SLC2A9: variants seen among roughly 807,000 people sequenced by gnomAD.
SLC2A9 encodes solute carrier family 2, facilitated glucose transporter member 9.
In SLC2A9, 39 loss-of-function variants were observed where a neutral mutation model predicts 50.6. The observed-to-expected ratio is 0.77, with a 90% confidence interval of 0.60 to 1.01. SLC2A9 has a LOEUF of 1.01. SLC2A9 is among the 50% of genes least tolerant of loss of function. The pLI, the probability that SLC2A9 is intolerant of heterozygous loss-of-function variation, is 0.00. For missense variants in SLC2A9, 686 were observed against 677.6 expected (o/e 1.01, Z -0.14); for synonymous variants, 324 against 276.9 (o/e 1.17, Z -1.69).
chr4:9,826,306 T>C lies in SLC2A9; in HGVS notation c.*91A>G. ...TCAATTCATTTAAGCTTCCCAATAATGGGTAAATTTTAAGTTTCCTGAAAA... is the reference window on the plus strand; with the variant it reads ...TCAATTCATTTAAGCTTCCCAATAACGGGTAAATTTTAAGTTTCCTGAAAA... On this transcript the variant is annotated 3_prime_UTR_variant, in exon 12 of 12. Coordinates refer to ENST00000264784, the MANE Select transcript of SLC2A9 (RefSeq NM_020041.3). 3.1e-6 allele frequency: 4 copies of C among 1,301,336 alleles called. No homozygotes were observed. Among genetic ancestry groups the C allele is most frequent in the Non-Finnish European group, 3.3e-6 (3 of 896,536 alleles). The allele number at this position is 1,301,336 out of a possible 1,614,324, so 80.6% of individuals were successfully genotyped here.
chr4:9,772,546 C>A (rs898883628), intron 1 of SLC2A9, among the ~76,000 whole-genome samples: 4 of 152,146 alleles, frequency 2.6e-5, no homozygotes, highest in Admixed American at 1.3e-4. Context: ...ATGAGAAGAG[C>A]AAGCTCCAGG....
At chr4:9,944,588 A>G (rs1472479735) in intron 5 of SLC2A9, among the ~76,000 whole-genome samples, 10 of 152,168 alleles carry the variant, frequency 6.6e-5, no homozygotes, top group Admixed American at 2.0e-4. Flanking sequence ...GGATGCCAAC[A>G]TTTCTGAACT....
intron 3 of SLC2A9, among the ~76,000 whole-genome samples, chr4:9,813,016 C>A (rs914473984): frequency 1.3e-5 from 2 of 152,156 alleles, no homozygotes; most frequent in Admixed American, 6.5e-5. Flanking sequence ...GACCTCTGTT[C>A]TTTGGGTTTC....
chr4:9,979,429 G>A (rs1441028857), intron 5 of SLC2A9, among the ~76,000 whole-genome samples: 1 of 152,074 alleles, frequency 6.6e-6, no homozygotes, highest in Non-Finnish European at 1.5e-5. Flanking sequence ...GTGGGCATTC[G>A]ACCATCATTA....
intron 7 of SLC2A9, among the ~76,000 whole-genome samples, chr4:9,914,815 T>A (rs1451563417): frequency 6.6e-6 from 1 of 152,144 alleles, no homozygotes; most frequent in Non-Finnish European, 1.5e-5. Context: ...CAACAGCCGG[T>A]CCATGCTCAG....
intron 7 of SLC2A9, among the ~76,000 whole-genome samples, chr4:9,909,665 C>CACTTTG (rs1322828549): frequency 6.6e-6 from 1 of 152,206 alleles, no homozygotes; most frequent in Admixed American, 6.5e-5. Context: ...TGTCACTCTT[C>CACTTTG]AGTATTCACT....
downstream of SLC2A9, among the ~76,000 whole-genome samples, chr4:9,796,792 A>T (rs1355307842): frequency 2.0e-5 from 3 of 152,192 alleles, no homozygotes; most frequent in Non-Finnish European, 2.9e-5. Flanking sequence ...GGGAAGTAGC[A>T]GCAGTTATCT....
rs781736118 is a variant in SLC2A9, at chr4:9,808,685, G to A, written n.421-9444C>T. Among the ~76,000 whole-genome samples, 19 of 152,134 alleles carry A rather than the reference G, an allele frequency of 1.2e-4. 1 individual carries two copies. Among genetic ancestry groups the A allele is most frequent in the Non-Finnish European group, 2.5e-4 (17 of 68,028 alleles). ...ACAGATAAAGATTGCCCACATGCAG[G>A]ATGATGCCTCATAGATGCAGTCTTT... On this transcript the variant is annotated intron_variant and non_coding_transcript_variant, in intron 3 of 3. Coordinates refer to the SLC2A9 transcript ENST00000503280.
intron 3 of SLC2A9, among the ~76,000 whole-genome samples, chr4:9,988,804 C>T (rs939748671): frequency 6.6e-6 from 1 of 152,206 alleles, no homozygotes; most frequent in African/African-American, 2.4e-5. Flanking sequence ...GATTGGAGGG[C>T]ATGTCCCTTC....
chr4:10,024,396 G>A (rs1763684811), upstream of SLC2A9, among the ~76,000 whole-genome samples: 1 of 152,180 alleles, frequency 6.6e-6, no homozygotes, highest in Admixed American at 6.5e-5. Flanking sequence ...CATATGCATG[G>A]GGCTGTATTC....
intron 5 of SLC2A9, among the ~76,000 whole-genome samples, chr4:9,957,499 C>T (rs6834893): frequency 0.48 from 73,492 of 151,954 alleles, 19,121 homozygotes; most frequent in African/African-American, 0.67. Context: ...AAAAAGAAAC[C>T]AACAGAAAGA....
At chr4:9,780,530 C>T (rs549415863) in intron 3 of SLC2A9, among the ~76,000 whole-genome samples, 75 of 152,086 alleles carry the variant, frequency 4.9e-4, no homozygotes, top group Non-Finnish European at 8.7e-4. Flanking sequence ...GGTACAGGTG[C>T]GTTTGGTGGA....
chr4:9,861,982 A>G (rs1334978058), intron 10 of SLC2A9, among the ~76,000 whole-genome samples: 1 of 152,130 alleles, frequency 6.6e-6, no homozygotes, highest in African/African-American at 2.4e-5. Context: ...TCCGGCCCCT[A>G]CTATCCTTCC....
chr4:9,930,871 A>G (rs1458407994), intron 6 of SLC2A9, among the ~76,000 whole-genome samples: 1 of 152,156 alleles, frequency 6.6e-6, no homozygotes, highest in Non-Finnish European at 1.5e-5. Context: ...CCACCTGTCA[A>G]TCATATTGTG....
At chr4:10,006,738 G>A (rs1760844692) in intron 2 of SLC2A9, 1 of 152,148 alleles carries the variant, frequency 6.6e-6, no homozygotes. Context: ...TGGAAGGGTT[G>A]CCACCGTTCC....
chr4:9,859,200 T>C (rs1731217878), intron 10 of SLC2A9, among the ~76,000 whole-genome samples: 1 of 151,556 alleles, frequency 6.6e-6, no homozygotes, highest in African/African-American at 2.4e-5. Context: ...CTTAATAAAC[T>C]TGTTTTCATA....
intron 10 of SLC2A9, among the ~76,000 whole-genome samples, chr4:9,846,671 A>T (rs575541086): frequency 1.3e-5 from 2 of 152,156 alleles, no homozygotes; most frequent in Non-Finnish European, 2.9e-5. Flanking sequence ...ATGGCAAATT[A>T]TTACCATGTG....
intron 2 of SLC2A9, among the ~76,000 whole-genome samples, chr4:10,017,546 T>C (rs951201683): frequency 6.6e-6 from 1 of 152,238 alleles, no homozygotes; most frequent in Admixed American, 6.5e-5. Context: ...TTTTTAAACA[T>C]AGAACTGACC....
At chr4:10,015,776 T>C (rs377340960) in intron 2 of SLC2A9, among the ~76,000 whole-genome samples, 4 of 152,316 alleles carry the variant, frequency 2.6e-5, no homozygotes, top group African/African-American at 2.4e-5. Context: ...TGGAGAAGTA[T>C]GGGAAAATAA....
Sources: allele counts gnomAD v4.1 joint callset (sites outside exome capture counted in the v4.1 genomes callset), GRCh38; gene constraint gnomAD v4.1.1; transcripts MANE v1.5; gene names NCBI Gene and HGNC (gene_info 2026-07-23, HGNC 2026-07-21).